Variants in MAD1L1 observed in about 807,000 individuals in gnomAD.
The protein encoded by MAD1L1 is mitotic arrest deficient 1 like 1.
Under a neutral mutation model 96.9 loss-of-function variants are expected in MAD1L1, and 95 were observed. That is an observed-to-expected ratio of 0.98 (90% CI 0.83 to 1.16). The LOEUF (loss-of-function observed/expected upper bound fraction) is 1.16, where lower values mean the gene tolerates loss of function less well. MAD1L1 is among the 50% of genes most tolerant of loss of function. MAD1L1 has a pLI of 0.00. For missense variants in MAD1L1, 1,007 were observed against 954.4 expected, an observed-to-expected ratio of 1.06 and a Z score of -0.73; for synonymous variants, 473 against 396.6, an observed-to-expected ratio of 1.19 and a Z score of -2.29.
chr7:1,877,691 G>A (rs1195127762), intron 18 of MAD1L1, among the ~76,000 whole-genome samples: 1 of 152,108 alleles, frequency 6.6e-6, no homozygotes, highest in South Asian at 2.1e-4. Flanking sequence ...TAGAAATATA[G>A]ATAGGTATAT....
chr7:1,892,332 G>A (rs562013454), intron 18 of MAD1L1, among the ~76,000 whole-genome samples: 1 of 152,312 alleles, frequency 6.6e-6, no homozygotes, highest in East Asian at 1.9e-4. Context: ...ACGTTCCTCA[G>A]CATGCATCCC....
intron 11 of MAD1L1, among the ~76,000 whole-genome samples, chr7:2,101,752 A>ATGCTCACCAAAGTGAACAGCTTCTATGC (rs1248287863): frequency 1.3e-4 from 20 of 152,308 alleles, no homozygotes; most frequent in African/African-American, 4.6e-4. Context: ...TACCGGCTCC[A>ATGCTCACCAAAGTGAACAGCTTCTATGC]TGCTCACCAA....
chr7:1,997,348 C>T (rs944670851), intron 14 of MAD1L1, among the ~76,000 whole-genome samples: 3 of 152,226 alleles, frequency 2.0e-5, no homozygotes, highest in African/African-American at 4.8e-5. Context: ...TCAGCCCTGC[C>T]TAGAATGTGG....
At chr7:1,976,438 G>A (rs1283002335) in intron 15 of MAD1L1, among the ~76,000 whole-genome samples, 1 of 152,182 alleles carries the variant, frequency 6.6e-6, no homozygotes, top group Non-Finnish European at 1.5e-5. Flanking sequence ...CACGTCTGGA[G>A]TTGTTCGTTC....
rs1457349855 is a variant in MAD1L1 at position 2,142,777 on chromosome 7, C to T, written c.1073+6375G>A. On this transcript the variant is annotated intron_variant, in intron 11 of 18. Coordinates refer to ENST00000265854, the MANE Select transcript of MAD1L1 (RefSeq NM_001013836.2). The surrounding 1 kb of genome is among the most constrained non-coding windows in gnomAD (Gnocchi z 4.7). ...CCCAGGGGCCCCCTTATGCCGAGAG[C>T]AGGTGGTCAGGTTGAGCATGAGACT... is the stretch of plus-strand genomic sequence containing the variant. Among the ~76,000 whole-genome samples, 2 of 152,250 alleles carry T rather than the reference C, an allele frequency of 1.3e-5. No individual in the cohort carries two copies. Among genetic ancestry groups the T allele is most frequent in the African/African-American group, 4.8e-5 (2 of 41,466 alleles).
chr7:2,220,512 C>A (rs529300490), intron 5 of MAD1L1, among the ~76,000 whole-genome samples: 4 of 152,236 alleles, frequency 2.6e-5, no homozygotes, highest in Admixed American at 6.5e-5. Flanking sequence ...CGGAAACACA[C>A]GGGCGTGATG....
At chr7:2,060,382 G>A (rs1784602156) in intron 12 of MAD1L1, among the ~76,000 whole-genome samples, 1 of 151,792 alleles carries the variant, frequency 6.6e-6, no homozygotes, top group African/African-American at 2.4e-5. Context: ...CCGATGCCGA[G>A]ATGTCAAGAT....
chr7:2,029,865 TATG>T (rs1344862532), intron 12 of MAD1L1, among the ~76,000 whole-genome samples: 1 of 152,124 alleles, frequency 6.6e-6, no homozygotes, highest in Non-Finnish European at 1.5e-5. Flanking sequence ...ATGTGCGAGT[TATG>T]ATTACAATGA....
chr7:2,069,727 G>T (rs757621392), intron 11 of MAD1L1, among the ~76,000 whole-genome samples: 19 of 152,192 alleles, frequency 1.2e-4, no homozygotes, highest in Non-Finnish European at 1.8e-4. Flanking sequence ...GCGCCTGGTT[G>T]GGGGGCCTGT....
intron 18 of MAD1L1, among the ~76,000 whole-genome samples, chr7:1,887,243 G>T (rs1786097670): frequency 7.1e-6 from 1 of 139,956 alleles, no homozygotes; most frequent in South Asian, 2.2e-4. Flanking sequence ...GTATGTGGGG[G>T]TGGCTGTGCA....
chr7:1,885,874 G>C (rs113283762), intron 18 of MAD1L1, among the ~76,000 whole-genome samples: 7 of 152,346 alleles, frequency 4.6e-5, no homozygotes, highest in Middle Eastern at 6.8e-3. Flanking sequence ...AAATGGAGCA[G>C]GGCAGGCAGA....
At chr7:2,231,363 T>C (rs772195720) in intron 1 of MAD1L1, among the ~76,000 whole-genome samples, 2 of 151,986 alleles carry the variant, frequency 1.3e-5, no homozygotes, top group African/African-American at 2.4e-5. Flanking sequence ...CTCATGCCTG[T>C]AATCCCAGCA....
chr7:1,943,902 G>A (rs1445924731), intron 16 of MAD1L1, among the ~76,000 whole-genome samples: 1 of 152,190 alleles, frequency 6.6e-6, no homozygotes, highest in Non-Finnish European at 1.5e-5. Flanking sequence ...CCACAAGAAG[G>A]AACACAAGGT....
intron 18 of MAD1L1, among the ~76,000 whole-genome samples, chr7:1,865,346 C>T (rs1454025921): frequency 4.6e-5 from 7 of 152,154 alleles, no homozygotes; most frequent in Non-Finnish European, 7.4e-5. Flanking sequence ...CTGACCTTGC[C>T]GGGCACAGAT....
chr7:2,184,125 G>A (rs891376647), intron 10 of MAD1L1, among the ~76,000 whole-genome samples: 5 of 151,912 alleles, frequency 3.3e-5, no homozygotes, highest in South Asian at 4.2e-4. Flanking sequence ...GGTGGCGGGC[G>A]CCTGTAGTCC....
chr7:1,816,029 G>A lies in MAD1L1; in HGVS notation c.*41C>T, dbSNP rs1781777016. 4.5e-6 allele frequency: 7 copies of A among 1,559,492 alleles called. No individual in the cohort carries two copies. The highest frequency in any genetic ancestry group is 1.3e-5 in the African/African-American group (1 of 74,102). On this transcript the variant is annotated 3_prime_UTR_variant, in exon 19 of 19. Coordinates refer to ENST00000265854, the MANE Select transcript of MAD1L1 (RefSeq NM_001013836.2). ...GCGGGGCAGGGGACCTGCAGGTCAG[G>A]CCAAGCAGAGTGGCTCCGGCTATGC...
intron 18 of MAD1L1, among the ~76,000 whole-genome samples, chr7:1,876,322 C>G (rs1189998186): frequency 6.6e-6 from 1 of 152,088 alleles, no homozygotes; most frequent in Non-Finnish European, 1.5e-5. Context: ...CCCGAGCCCC[C>G]CGTCTGGTCC....
Position 2,024,956 on chromosome 7 carries a change from G to A in MAD1L1, c.1219-10314C>T, listed in dbSNP as rs187837294. 2.1e-3 allele frequency among the ~76,000 whole-genome samples: 320 copies of A among 152,272 alleles called. 1 individual carries two copies. Among genetic ancestry groups the A allele is most frequent in the Middle Eastern group, 6.8e-3 (2 of 294 alleles). ...TATTCTGTATGACACTGTAATGAGG[G>A]AAACATGATATTATGAACTTATCAA... is the stretch of plus-strand genomic sequence containing the variant. On this transcript the variant is annotated intron_variant, in intron 12 of 18. Transcript: ENST00000265854.
At chr7:1,953,652 A>T (rs1779599609) in intron 16 of MAD1L1, among the ~76,000 whole-genome samples, 1 of 152,260 alleles carries the variant, frequency 6.6e-6, no homozygotes, top group African/African-American at 2.4e-5. Flanking sequence ...GGCGAGGGAT[A>T]AAGAGATGTC....
Sources: allele counts gnomAD v4.1 joint callset (sites outside exome capture counted in the v4.1 genomes callset), GRCh38; gene constraint gnomAD v4.1.1; non-coding constraint Gnocchi (gnomAD v3.1); transcripts MANE v1.5; gene names NCBI Gene and HGNC (gene_info 2026-07-23, HGNC 2026-07-21).